Variants in EDNRA observed in about 807,000 individuals in gnomAD.
The protein encoded by EDNRA is endothelin-1 receptor.
EDNRA carries 11 observed loss-of-function variants against 41.4 expected under a neutral mutation model. The ratio of observed to expected loss-of-function variants is 0.27; its 90% CI spans 0.17 to 0.44. The LOEUF (loss-of-function observed/expected upper bound fraction) is 0.44. Among genes scored for constraint, EDNRA ranks in the 20% least tolerant of loss-of-function variants. The pLI, the probability that EDNRA is intolerant of heterozygous loss-of-function variation, is 1.00. For synonymous variants in EDNRA, 172 were observed against 183.0 expected, an observed-to-expected ratio of 0.94 and a Z score of 0.49; for missense variants, 294 against 531.0, an observed-to-expected ratio of 0.55 and a Z score of 4.39.
chr4:147,485,721 C>T lies in EDNRA; in HGVS notation c.40C>T (p.Leu14=), dbSNP rs755625335. ...LCLRASFWLA[L]VGCVISDNPE... is the part of the protein sequence containing the mutation. ...CCTCAGGGCATCCTTTTGGCTGGCA[C>T]TGGTTGGATGTGTAATCAGTGATAA... The change falls in exon 2 of 8, where the codon CTG becomes TTG. Residue 14 remains leucine, a synonymous_variant. Transcript: ENST00000651419. 1 of 1,612,944 alleles carries T rather than the reference C, an allele frequency of 6.2e-7. No homozygotes were observed.
chr4:147,484,170 G>T (rs1465374833), intron 1 of EDNRA, among the ~76,000 whole-genome samples: 1 of 152,096 alleles, frequency 6.6e-6, no homozygotes, highest in African/African-American at 2.4e-5. Flanking sequence ...GAAATAGGAT[G>T]AGCTATTTTT....
intron 2 of EDNRA, among the ~76,000 whole-genome samples, chr4:147,503,453 T>C (rs1031089884): frequency 6.6e-6 from 1 of 152,078 alleles, no homozygotes; most frequent in Non-Finnish European, 1.5e-5. Flanking sequence ...GATCCTTTAG[T>C]TCCCATGTGT....
At position 147,496,048 on chromosome 4, in the gene EDNRA, C is replaced by T. The variant is rs1200567612; in HGVS notation, c.420+9947C>T. On this transcript the variant is annotated intron_variant, in intron 2 of 7. Coordinates refer to ENST00000651419, the MANE Select transcript of EDNRA (RefSeq NM_001957.4). ...TTTTAAAAGCAACAAATAAAGGAAA[C>T]ATTATTGAACATTTTTTCAATGTCC... 2.0e-5 allele frequency: 3 copies of T among 152,124 alleles called. No individual in the cohort carries two copies. In the East Asian group the frequency reaches 5.8e-4, roughly 29 times the overall value. The allele number at this position is 152,124 out of a possible 1,614,324, so 9.4% of individuals were successfully genotyped here.
At chr4:147,523,087 G>A (rs534254917) in intron 3 of EDNRA, among the ~76,000 whole-genome samples, 1 of 152,336 alleles carries the variant, frequency 6.6e-6, no homozygotes, top group African/African-American at 2.4e-5. Context: ...GTCAGCAAAT[G>A]CTGACAAGAA....
Position 147,539,638 on chromosome 4 carries a change from C to G in EDNRA, c.901-179C>G, listed in dbSNP as rs6841799. ...CCAGAAGCATCATTAGCAATTCCTT[C>G]GTTAGAACACTGACCTTAGAATCTT... On this transcript the variant is annotated intron_variant, in intron 5 of 7. Transcript: ENST00000651419. Among the ~76,000 whole-genome samples, 51,742 of 151,856 alleles carry G rather than the reference C, an allele frequency of 0.34. 10,510 individuals are homozygous for G. The highest frequency in any genetic ancestry group is 0.57 in the African/African-American group (23,629 of 41,356).
At chr4:147,505,326 C>CTTTTT (rs1729660192) in intron 2 of EDNRA, among the ~76,000 whole-genome samples, 22 of 81,992 alleles carry the variant, frequency 2.7e-4, no homozygotes, top group African/African-American at 8.7e-4. Context: ...TTTCTTTTTT[C>CTTTTT]ATTTTTTTTT....
intron 2 of EDNRA, chr4:147,490,328 A>G (rs572865534): frequency 1.3e-5 from 2 of 152,282 alleles, no homozygotes; most frequent in South Asian, 4.1e-4. Flanking sequence ...AGAAAAAACT[A>G]TTTCTAAGAT....
At chr4:147,514,798 A>G (rs549886533) in intron 2 of EDNRA, among the ~76,000 whole-genome samples, 1 of 152,230 alleles carries the variant, frequency 6.6e-6, no homozygotes, top group South Asian at 2.1e-4. Context: ...TCTTGTGACT[A>G]TATTTTATAC....
chr4:147,533,596 C>A (rs1329812458), intron 4 of EDNRA, among the ~76,000 whole-genome samples: 1 of 152,138 alleles, frequency 6.6e-6, no homozygotes, highest in Non-Finnish European at 1.5e-5. Flanking sequence ...CTTGGAAATT[C>A]TTGTTTTAAA....
intron 1 of EDNRA, among the ~76,000 whole-genome samples, chr4:147,483,864 C>T (rs796535812): frequency 6.6e-6 from 1 of 151,770 alleles, no homozygotes; most frequent in African/African-American, 2.4e-5. Flanking sequence ...AGACTACAGG[C>T]ACACGCCACC....
rs1056733609 is a variant in EDNRA at position 147,531,882 on chromosome 4, T to C, written c.549-624T>C. 1.9e-3 allele frequency among the ~76,000 whole-genome samples: 280 copies of C among 146,892 alleles called. 1 individual carries two copies. The highest frequency in any genetic ancestry group is 5.7e-3 in the African/African-American group (226 of 39,458). On this transcript the variant is annotated intron_variant, in intron 3 of 7. Coordinates refer to ENST00000651419, the MANE Select transcript of EDNRA (RefSeq NM_001957.4). ...AAAATTAGCCGGGTGTGGTGGCGGG[T>C]GCCTGTAGTCCCAGCTACTCGGGAG...
intron 5 of EDNRA, among the ~76,000 whole-genome samples, chr4:147,537,581 T>G (rs1393490604): frequency 6.7e-6 from 1 of 149,082 alleles, no homozygotes; most frequent in East Asian, 1.9e-4. Context: ...TATTTAATTT[T>G]GGAATAATAT....
chr4:147,528,834 G>C (rs1398497196), intron 3 of EDNRA, among the ~76,000 whole-genome samples: 1 of 152,118 alleles, frequency 6.6e-6, no homozygotes, highest in Non-Finnish European at 1.5e-5. Context: ...AAAACCGGAA[G>C]GAAGTGAGGA....
intron 2 of EDNRA, among the ~76,000 whole-genome samples, chr4:147,502,642 A>G (rs765101992): frequency 1.4e-4 from 22 of 152,204 alleles, no homozygotes; most frequent in Admixed American, 9.2e-4. Context: ...ATTTTTTGAC[A>G]CAGATCAGAA....
chr4:147,512,610 T>C (rs1312702065), intron 2 of EDNRA, among the ~76,000 whole-genome samples: 1 of 152,246 alleles, frequency 6.6e-6, no homozygotes, highest in African/African-American at 2.4e-5. Context: ...GTGCTTTTCA[T>C]GTATGAACCC....
At chr4:147,502,496 C>A (rs537080752) in intron 2 of EDNRA, among the ~76,000 whole-genome samples, 8 of 152,300 alleles carry the variant, frequency 5.3e-5, no homozygotes, top group Non-Finnish European at 1.0e-4. Context: ...ACTTGAACAG[C>A]TTTTTGATAT....
rs780863789 is a variant in EDNRA, at chr4:147,544,712, CTTTG to C, written c.*2098_*2101del. 4 of 152,164 alleles carry C rather than the reference CTTTG, an allele frequency of 2.6e-5. No homozygotes were observed. In the East Asian group the frequency reaches 5.8e-4, roughly 22 times the overall value. The allele number at this position is 152,164 out of a possible 1,614,324, so 9.4% of individuals were successfully genotyped here. Reference sequence around the variant, plus strand: ...AGACAATTGTCTTTTTTTCAAGATGCTTTGTTTCTTTCATATGAAAAAAATGCAT... The same window carrying C: ...AGACAATTGTCTTTTTTTCAAGATGCTTTCTTTCATATGAAAAAAATGCAT... On this transcript the variant is annotated 3_prime_UTR_variant, in exon 8 of 8. Coordinates refer to ENST00000651419, the MANE Select transcript of EDNRA (RefSeq NM_001957.4).
chr4:147,538,226 A>T (rs1490559584), intron 5 of EDNRA, among the ~76,000 whole-genome samples: 2 of 152,036 alleles, frequency 1.3e-5, no homozygotes, highest in Non-Finnish European at 2.9e-5. Context: ...CTACTTTTAT[A>T]TCTGATTTCC....
chr4:147,508,854 A>G (rs554548501), intron 2 of EDNRA, among the ~76,000 whole-genome samples: 68 of 152,256 alleles, frequency 4.5e-4, no homozygotes, highest in Non-Finnish European at 8.4e-4. Context: ...CTGGAGCTTT[A>G]TATTAATAGT....
Sources: gnomAD v4.1 joint callset for allele counts (sites outside exome capture counted in the v4.1 genomes callset) on GRCh38, gnomAD v4.1.1 for gene constraint, MANE v1.5 for transcripts, NCBI Gene and HGNC (gene_info 2026-07-23, HGNC 2026-07-21) for gene names.